The following CFAP47 variants were observed in gnomAD, a reference collection of about 807,000 sequenced individuals.
The protein encoded by CFAP47 is cilia and flagella associated protein 47.
CFAP47 carries 29 observed loss-of-function variants against 148.1 expected under a neutral mutation model. That is an observed-to-expected ratio of 0.20 (90% CI 0.15 to 0.27). The LOEUF (loss-of-function observed/expected upper bound fraction) is 0.27. CFAP47 is among the 10% of genes least tolerant of loss of function. The probability of loss-of-function intolerance (pLI) is 1.00; values close to 1 mark genes in which losing one functional copy is unlikely to be tolerated. For missense variants in CFAP47, 1,872 were observed against 1,697.5 expected (o/e 1.10, Z -1.81); for synonymous variants, 664 against 577.3 (o/e 1.15, Z -2.15).
chrX:36,168,762 A>G (rs781415215), intron 39 of CFAP47, among the ~76,000 whole-genome samples: 6 of 111,918 alleles, frequency 5.4e-5, no homozygotes, highest in African/African-American at 1.9e-4. Flanking sequence ...GCAAATATAA[A>G]GAGTTGCAAA....
intron 16 of CFAP47, chrX:35,989,784 A>G (rs1936766028): frequency 7.8e-6 from 2 of 257,817 alleles, no homozygotes; most frequent in South Asian, 3.2e-4. Flanking sequence ...ATCACCAAGC[A>G]TGATTTTACA....
At chrX:36,372,857 C>G (rs1281056778) in intron 62 of CFAP47, among the ~76,000 whole-genome samples, 1 of 111,793 alleles carries the variant, frequency 8.9e-6, no homozygotes, top group Non-Finnish European at 1.9e-5. Context: ...ATGCCCTTGT[C>G]AAAAATTACT....
intron 46 of CFAP47, among the ~76,000 whole-genome samples, chrX:36,235,406 G>A (rs911406003): frequency 2.1e-4 from 24 of 112,491 alleles, no homozygotes; most frequent in African/African-American, 7.1e-4. Flanking sequence ...CTCCGTGGGC[G>A]TAGGACCCTC....
intron 16 of CFAP47, 36 bp downstream of exon 16, chrX:35,989,485 G>A: frequency 8.3e-7 from 1 of 1,210,626 alleles, no homozygotes. Flanking sequence ...TTTGTTTTGA[G>A]GGCTATGAAT....
intron 33 of CFAP47, among the ~76,000 whole-genome samples, chrX:36,109,578 C>T (rs934396789): frequency 2.7e-5 from 3 of 111,260 alleles, no homozygotes; most frequent in African/African-American, 6.5e-5. Context: ...CGGGTTCAAG[C>T]GATTCTCCTG....
chrX:36,119,550 G>A (rs1445330674), intron 33 of CFAP47, among the ~76,000 whole-genome samples: 1 of 111,279 alleles, frequency 9.0e-6, no homozygotes, highest in Non-Finnish European at 1.9e-5. Flanking sequence ...CTCTGGTTTT[G>A]ATATCAGGGT....
rs1289715907 is a variant in CFAP47, at chrX:36,347,683, G to T, written c.8444-446G>T. On this transcript the variant is annotated intron_variant, in intron 57 of 63. Transcript: ENST00000378653. Reference sequence around the variant, plus strand: ...TTCTCAGCAAACTATCACAGGGTCAGAAAACCAAACACTGCATGTTCTCAC... The same window carrying T: ...TTCTCAGCAAACTATCACAGGGTCATAAAACCAAACACTGCATGTTCTCAC... Among the ~76,000 whole-genome samples the T allele has an allele frequency of 7.2e-5, 8 of 110,978 alleles. No homozygotes were observed. In the East Asian group the frequency reaches 2.3e-3, roughly 32 times the overall value.
intron 37 of CFAP47, among the ~76,000 whole-genome samples, chrX:36,155,560 T>C (rs774006997): frequency 3.0e-4 from 33 of 111,631 alleles, no homozygotes; most frequent in East Asian, 2.0e-3. Context: ...TTCATGAGAT[T>C]TTTCTTAGGA....
intron 15 of CFAP47, among the ~76,000 whole-genome samples, chrX:35,982,361 CT>C (rs1392270556): frequency 9.0e-6 from 1 of 111,046 alleles, no homozygotes; most frequent in Admixed American, 9.5e-5. Context: ...TAATATTAGA[CT>C]TTTGTCAGAT....
Position 36,046,981 on chromosome X carries a change from C to T in CFAP47, c.4135C>T (p.Leu1379Phe), listed in dbSNP as rs1255469523. 22 of 1,163,891 alleles carry T rather than the reference C, an allele frequency of 1.9e-5. No individual in the cohort carries two copies. Among genetic ancestry groups the T allele is most frequent in the East Asian group, 3.3e-5 (1 of 30,711 alleles). The change falls in exon 26 of 64, where the codon CTC becomes TTC. Residue 1379 changes from leucine (L) to phenylalanine (F), a missense_variant. Physicochemically the swap from Leu to Phe is conservative, Grantham distance 22. Coordinates refer to ENST00000378653, the MANE Select transcript of CFAP47 (RefSeq NM_001304548.2). ...PGSHSGINNK[L>F]TCHLSFKSSK... is the part of the protein sequence containing the mutation. ...CTCTCACAGTGGAATTAATAATAAG[C>T]TCACTTGCCACCTCAGTTTCAAGTC...
intron 33 of CFAP47, among the ~76,000 whole-genome samples, chrX:36,105,309 T>C (rs1437704053): frequency 8.9e-6 from 1 of 112,038 alleles, no homozygotes; most frequent in Non-Finnish European, 1.9e-5. Flanking sequence ...TGTTCACAGA[T>C]AGTACTAAGG....
At chrX:36,298,237 C>A (rs782323179) in intron 51 of CFAP47, among the ~76,000 whole-genome samples, 1 of 104,366 alleles carries the variant, frequency 9.6e-6, no homozygotes, top group African/African-American at 3.5e-5. Context: ...CCATAAAAAA[C>A]GATGAGTTCA....
intron 57 of CFAP47, among the ~76,000 whole-genome samples, chrX:36,333,492 G>C (rs903715091): frequency 9.0e-6 from 1 of 110,725 alleles, no homozygotes; most frequent in Non-Finnish European, 1.9e-5. Flanking sequence ...TCTGCTTCTA[G>C]ACCATTCTCC....
At chrX:36,047,508 T>C (rs1326032508) in intron 26 of CFAP47, among the ~76,000 whole-genome samples, 1 of 112,208 alleles carries the variant, frequency 8.9e-6, no homozygotes, top group Non-Finnish European at 1.9e-5. Flanking sequence ...TGCATGTTAC[T>C]TTAACGGGGT....
chrX:36,019,627 C>T (rs1039409099), intron 22 of CFAP47, among the ~76,000 whole-genome samples: 12 of 111,490 alleles, frequency 1.1e-4, no homozygotes, highest in African/African-American at 2.9e-4. Flanking sequence ...TTTTCCCACC[C>T]GCCTGACTGA....
At chrX:35,925,960 A>ATTTTTTTTTT in intron 1 of CFAP47, 57 bp from the exon 2 acceptor site, 1 of 908,841 alleles carries the variant, frequency 1.1e-6, no homozygotes, top group Non-Finnish European at 1.5e-6. Context: ...CAGCCATGGT[A>ATTTTTTTTTT]TTTTTTTTTT....
chrX:36,085,655 A>G, intron 30 of CFAP47, 117 bp downstream of exon 30: 1 of 349,350 alleles, frequency 2.9e-6, no homozygotes, highest in Non-Finnish European at 5.0e-6. Flanking sequence ...ACACACACAC[A>G]CACACACACA....
chrX:36,362,581 T>C (rs1269052615), intron 61 of CFAP47, among the ~76,000 whole-genome samples: 3 of 107,266 alleles, frequency 2.8e-5, no homozygotes, highest in African/African-American at 1.1e-4. Context: ...CAATCCACCA[T>C]TGATGGCCAC....
chrX:36,220,217 T>A (rs1416967140), intron 45 of CFAP47, among the ~76,000 whole-genome samples: 1 of 111,271 alleles, frequency 9.0e-6, no homozygotes. Context: ...CTTCAGGCTA[T>A]GTATATAATG....
Sources: allele counts gnomAD v4.1 joint callset (sites outside exome capture counted in the v4.1 genomes callset), GRCh38; gene constraint gnomAD v4.1.1; transcripts MANE v1.5; gene names NCBI Gene and HGNC (gene_info 2026-07-23, HGNC 2026-07-21).